NAALADL2: variants seen among roughly 807,000 people sequenced by gnomAD.
NAALADL2 encodes the protein inactive N-acetylated-alpha-linked acidic dipeptidase-like protein 2.
In NAALADL2, 76 loss-of-function variants were observed where a neutral mutation model predicts 87.2. The ratio of observed to expected loss-of-function variants is 0.87; its 90% confidence interval spans 0.72 to 1.05. NAALADL2 has a LOEUF of 1.05. Among genes scored for constraint, NAALADL2 ranks in the 50% least tolerant of loss-of-function variants. NAALADL2 has a pLI of 0.00. For missense variants in NAALADL2, 1,089 were observed against 945.8 expected, an observed-to-expected ratio of 1.15 and a Z score of -1.99; for synonymous variants, 354 against 331.0, an observed-to-expected ratio of 1.07 and a Z score of -0.75.
intron 1 of NAALADL2, among the ~76,000 whole-genome samples, chr3:175,022,715 G>C (rs1167292533): frequency 2.6e-5 from 4 of 152,076 alleles, no homozygotes; most frequent in Non-Finnish European, 5.9e-5. Flanking sequence ...AACTCTGAAA[G>C]GCATGGTTTG....
chr3:175,369,333 G>A (rs1766136833), intron 5 of NAALADL2, among the ~76,000 whole-genome samples: 1 of 152,026 alleles, frequency 6.6e-6, no homozygotes, highest in Non-Finnish European at 1.5e-5. Flanking sequence ...GTGTGTGCCT[G>A]TGTGCGTGTG....
intron 4 of NAALADL2, among the ~76,000 whole-genome samples, chr3:175,308,034 A>G (rs1581353122): frequency 6.6e-6 from 1 of 152,190 alleles, no homozygotes. Context: ...TGAGAGGTAG[A>G]TATGCTGGCT....
intron 5 of NAALADL2, among the ~76,000 whole-genome samples, chr3:175,377,015 A>C (rs915175013): frequency 1.5e-5 from 2 of 132,446 alleles, no homozygotes; most frequent in African/African-American, 5.7e-5. Flanking sequence ...TTAAAAAAAA[A>C]AAATTATTGA....
intron 2 of NAALADL2, among the ~76,000 whole-genome samples, chr3:175,146,837 A>C (rs1191413020): frequency 1.3e-5 from 2 of 152,070 alleles, no homozygotes; most frequent in African/African-American, 4.8e-5. Context: ...TTTTTAACTA[A>C]ATTTAATTAA....
chr3:175,110,460 C>G lies in NAALADL2; in HGVS notation c.545+13169C>G, dbSNP rs573542819. Among the ~76,000 whole-genome samples the G allele has an allele frequency of 5.5e-3, 840 of 151,814 alleles. 4 individuals carry two copies. The highest frequency in any genetic ancestry group is 7.8e-3 in the Non-Finnish European group (532 of 67,804). ...TTTCAGCCCTTCGTATGTATAGGGACAGGGTTTTGGGAAGGCATTCTGCTG... is the reference window on the plus strand; with the variant it reads ...TTTCAGCCCTTCGTATGTATAGGGAGAGGGTTTTGGGAAGGCATTCTGCTG... On this transcript the variant is annotated intron_variant, in intron 2 of 13. Transcript: ENST00000454872.
intron 3 of NAALADL2, among the ~76,000 whole-genome samples, chr3:174,811,958 A>G (rs1720261045): frequency 6.6e-6 from 1 of 151,522 alleles, no homozygotes; most frequent in African/African-American, 2.4e-5. Context: ...AGTTTGTGGC[A>G]CCTCCCCCTC....
At chr3:175,202,626 G>A (rs1373349485) in intron 2 of NAALADL2, among the ~76,000 whole-genome samples, 1 of 152,140 alleles carries the variant, frequency 6.6e-6, no homozygotes, top group Non-Finnish European at 1.5e-5. Flanking sequence ...TTTCCAGAGA[G>A]CATCAGCTGT....
chr3:174,471,995 T>A (rs2108312703), intron 1 of NAALADL2, among the ~76,000 whole-genome samples: 1 of 152,322 alleles, frequency 6.6e-6, no homozygotes. Flanking sequence ...TTTAAAAGAA[T>A]GTGTTCTACA....
intron 2 of NAALADL2, among the ~76,000 whole-genome samples, chr3:174,676,513 G>A (rs1042236728): frequency 1.3e-4 from 19 of 151,872 alleles, no homozygotes; most frequent in African/African-American, 3.4e-4. Context: ...TATAATAGCC[G>A]TAGTTGTATA....
intron 3 of NAALADL2, among the ~76,000 whole-genome samples, chr3:174,792,573 T>C (rs746490929): frequency 1.3e-5 from 2 of 152,140 alleles, no homozygotes; most frequent in Non-Finnish European, 2.9e-5. Context: ...TCTGCCTAGA[T>C]TGATGATAAG....
At position 175,803,823 on chromosome 3, in the gene NAALADL2, A is replaced by G. The variant is rs7640306; in HGVS notation, c.*620A>G. 66,563 of 152,082 alleles carry G rather than the reference A, an allele frequency of 0.44. 17,973 individuals carry two copies. The highest frequency in any genetic ancestry group is 0.77 in the African/African-American group (31,817 of 41,416). 9.4% of individuals were successfully genotyped at this position (152,082 alleles called of 1,614,324 possible). A position where few individuals can be genotyped will look rare whatever the true frequency, so the allele number is the denominator to read the frequency against. On this transcript the variant is annotated 3_prime_UTR_variant, in exon 14 of 14. Coordinates refer to ENST00000454872, the MANE Select transcript of NAALADL2 (RefSeq NM_207015.3). The stretch of plus-strand genomic sequence containing the variant: ...AAAAAAGAGCCATAAGCATTCCAGG[A>G]GAAAATCTCAAGGGAGCTACATAGA...
At chr3:174,947,013 G>A (rs574372396) in intron 1 of NAALADL2, among the ~76,000 whole-genome samples, 7 of 152,240 alleles carry the variant, frequency 4.6e-5, no homozygotes, top group African/African-American at 7.2e-5. Context: ...AGCTAGAACC[G>A]TCACTTAGTA....
intron 11 of NAALADL2, among the ~76,000 whole-genome samples, chr3:175,630,035 T>C (rs1427467932): frequency 1.3e-5 from 2 of 151,770 alleles, no homozygotes; most frequent in Non-Finnish European, 3.0e-5. Context: ...GTGAGGTTTT[T>C]TATGATGACA....
chr3:175,477,897 T>C (rs530572845), intron 9 of NAALADL2, among the ~76,000 whole-genome samples: 9 of 152,122 alleles, frequency 5.9e-5, no homozygotes, highest in South Asian at 2.1e-4. Context: ...AACTTTTTTT[T>C]CCACAAGAAT....
At chr3:175,017,228 A>G (rs1560481039) in intron 1 of NAALADL2, among the ~76,000 whole-genome samples, 1 of 151,924 alleles carries the variant, frequency 6.6e-6, no homozygotes, top group Non-Finnish European at 1.5e-5. Context: ...TATATCTTAT[A>G]TAGCAGATTT....
chr3:174,824,593 T>C (rs1406275853), intron 3 of NAALADL2, among the ~76,000 whole-genome samples: 1 of 152,202 alleles, frequency 6.6e-6, no homozygotes, highest in Non-Finnish European at 1.5e-5. Flanking sequence ...TGATTTGACT[T>C]ATAACCAACA....
At chr3:175,163,459 A>G (rs1359492435) in intron 2 of NAALADL2, among the ~76,000 whole-genome samples, 1 of 151,932 alleles carries the variant, frequency 6.6e-6, no homozygotes, top group Non-Finnish European at 1.5e-5. Context: ...GAAATTTAAC[A>G]TGAACTGAAA....
rs140396534 is a variant in NAALADL2, at chr3:175,353,730, T to C, written c.1090+29405T>C. 3.2e-3 allele frequency among the ~76,000 whole-genome samples: 488 copies of C among 152,334 alleles called. 3 individuals are homozygous for C. The highest frequency in any genetic ancestry group is 0.011 in the African/African-American group (455 of 41,570). ...CTAACAACCACTGATTTTCAAATAT[T>C]TTATCTAATTCCCTCAAACCTAGTT... On this transcript the variant is annotated intron_variant, in intron 5 of 13. Transcript: ENST00000454872.
At chr3:175,300,364 G>C (rs1305859872) in intron 4 of NAALADL2, among the ~76,000 whole-genome samples, 1 of 152,162 alleles carries the variant, frequency 6.6e-6, no homozygotes, top group Non-Finnish European at 1.5e-5. Flanking sequence ...AGAAGGAATG[G>C]TACCAGCTCC....
Sources: gnomAD v4.1 joint callset for allele counts (sites outside exome capture counted in the v4.1 genomes callset) on GRCh38, gnomAD v4.1.1 for gene constraint, MANE v1.5 for transcripts, NCBI Gene and HGNC (gene_info 2026-07-23, HGNC 2026-07-21) for gene names.